LRFN2: variants seen among roughly 807,000 people sequenced by gnomAD.
The protein encoded by LRFN2 is leucine rich repeat and fibronectin type III domain containing 2.
LRFN2 carries 18 observed loss-of-function variants against 37.3 expected under a neutral mutation model. The observed-to-expected ratio is 0.48, with a 90% CI of 0.33 to 0.72. The LOEUF is 0.72. LRFN2 is among the 30% of genes least tolerant of loss of function. The probability of loss-of-function intolerance (pLI) is 0.02; values close to 1 mark genes in which losing one functional copy is unlikely to be tolerated. For synonymous variants in LRFN2, 556 were observed against 466.6 expected (o/e 1.19, Z -2.47); for missense variants, 1,006 against 1,060.7 (o/e 0.95, Z 0.72).
At chr6:40,566,991 T>C (rs1032440256) in intron 1 of LRFN2, among the ~76,000 whole-genome samples, 1 of 152,172 alleles carries the variant, frequency 6.6e-6, no homozygotes, top group African/African-American at 2.4e-5. Context: ...ATGTTGACAG[T>C]AGGAAGGGGA....
intron 1 of LRFN2, among the ~76,000 whole-genome samples, chr6:40,516,670 C>T (rs1051483913): frequency 4.6e-5 from 7 of 152,180 alleles, no homozygotes; most frequent in Admixed American, 6.5e-5. Context: ...GACCTCATTC[C>T]CGCCACAGCT....
Position 40,433,096 on chromosome 6 carries a change from A to C in LRFN2, c.18T>G (p.Gly6=). 1 of 1,525,102 alleles carries C rather than the reference A, an allele frequency of 6.6e-7. No homozygotes were observed. The highest frequency in any genetic ancestry group is 8.8e-7 in the Non-Finnish European group (1 of 1,137,930). The allele number at this position is 1,525,102 out of a possible 1,614,324, so 94.5% of individuals were successfully genotyped here. ...ACGCCATGCCAAACGCTAGCAGGCCACCAAGCAGGGTCTCCATGGTCTGGT... is the reference window on the plus strand; with the variant it reads ...ACGCCATGCCAAACGCTAGCAGGCCCCCAAGCAGGGTCTCCATGGTCTGGT... The part of the protein sequence containing the change: METLL[G]GLLAFGMAFA... Residue 6 remains glycine, a synonymous_variant, in exon 2 of 3, where the codon GGT becomes GGG. Transcript: ENST00000338305.
chr6:40,500,548 C>A lies in LRFN2; in HGVS notation c.-18-67417G>T, dbSNP rs78880613. 3.7e-3 allele frequency among the ~76,000 whole-genome samples: 569 copies of A among 152,256 alleles called. 10 individuals carry two copies. Among genetic ancestry groups the A allele is most frequent in the East Asian group, 0.027 (139 of 5,180 alleles). On this transcript the variant is annotated intron_variant, in intron 1 of 2. Transcript: ENST00000338305. ...GGAGAGGAGTGAAAGAAGCAGTGTA[C>A]AAGGAAATAATCATGGTTATACACA...
At chr6:40,476,364 T>A (rs1764709596) in intron 1 of LRFN2, among the ~76,000 whole-genome samples, 1 of 152,252 alleles carries the variant, frequency 6.6e-6, no homozygotes, top group South Asian at 2.1e-4. Context: ...ATTCTCTTTG[T>A]ATGAAACCGT....
intron 2 of LRFN2, among the ~76,000 whole-genome samples, chr6:40,418,422 C>T (rs1763144810): frequency 1.3e-5 from 2 of 152,202 alleles, no homozygotes; most frequent in South Asian, 2.1e-4. Context: ...ATATTCAAGG[C>T]CACCCATACT....
At chr6:40,578,930 T>A (rs1767342873) in intron 1 of LRFN2, among the ~76,000 whole-genome samples, 1 of 152,196 alleles carries the variant, frequency 6.6e-6, no homozygotes, top group African/African-American at 2.4e-5. Context: ...GTGAGAAAGA[T>A]GCTCCATCCA....
chr6:40,582,807 C>A (rs1244543756), intron 1 of LRFN2, among the ~76,000 whole-genome samples: 1 of 151,740 alleles, frequency 6.6e-6, no homozygotes, highest in African/African-American at 2.4e-5. Flanking sequence ...GTTGAACAAG[C>A]TGAGCGGCCC....
At chr6:40,429,536 C>T (rs997832195) in intron 2 of LRFN2, among the ~76,000 whole-genome samples, 12 of 149,638 alleles carry the variant, frequency 8.0e-5, no homozygotes, top group Non-Finnish European at 1.5e-4. Context: ...CATTTTTCAC[C>T]TCTCAAATTG....
intron 2 of LRFN2, among the ~76,000 whole-genome samples, chr6:40,402,078 G>A (rs1193042727): frequency 2.0e-5 from 3 of 152,112 alleles, no homozygotes; most frequent in Non-Finnish European, 4.4e-5. Context: ...CTCTTCCTGC[G>A]AGCCCCAAAG....
intron 1 of LRFN2, among the ~76,000 whole-genome samples, chr6:40,545,352 C>T (rs536046404): frequency 2.0e-5 from 3 of 152,278 alleles, no homozygotes; most frequent in Admixed American, 6.5e-5. Flanking sequence ...GGGCAAGGTC[C>T]TGGAGTTTTA....
At chr6:40,480,720 CT>C (rs1385583350) in intron 1 of LRFN2, among the ~76,000 whole-genome samples, 1 of 152,114 alleles carries the variant, frequency 6.6e-6, no homozygotes, top group Non-Finnish European at 1.5e-5. Context: ...CATGCCTCCC[CT>C]GGAAATAAGA....
chr6:40,425,293 C>T (rs146907432), intron 2 of LRFN2, among the ~76,000 whole-genome samples: 16 of 152,314 alleles, frequency 1.1e-4, no homozygotes, highest in African/African-American at 3.4e-4. Flanking sequence ...ACAAGCAACA[C>T]AAGGCATGGC....
At chr6:40,399,590 A>C (rs1762694936) in intron 2 of LRFN2, among the ~76,000 whole-genome samples, 1 of 151,030 alleles carries the variant, frequency 6.6e-6, no homozygotes. Context: ...GGTGCACGCC[A>C]CCAAGCCTGG....
chr6:40,458,845 T>C (rs893250139), intron 1 of LRFN2, among the ~76,000 whole-genome samples: 5 of 152,140 alleles, frequency 3.3e-5, no homozygotes, highest in Non-Finnish European at 5.9e-5. Flanking sequence ...GTTTGAACCA[T>C]AAGATAGAAG....
chr6:40,561,206 C>T (rs1413673705), intron 1 of LRFN2, among the ~76,000 whole-genome samples: 2 of 152,156 alleles, frequency 1.3e-5, no homozygotes, highest in South Asian at 2.1e-4. Flanking sequence ...CTGTGTAATC[C>T]TCAGGGACTG....
At chr6:40,543,276 A>G (rs1269580332) in intron 1 of LRFN2, among the ~76,000 whole-genome samples, 1 of 152,218 alleles carries the variant, frequency 6.6e-6, no homozygotes, top group Non-Finnish European at 1.5e-5. Context: ...CTGCTTACAC[A>G]AGCCACATAA....
intron 1 of LRFN2, among the ~76,000 whole-genome samples, chr6:40,486,774 G>A (rs546874271): frequency 2.0e-5 from 3 of 152,324 alleles, no homozygotes; most frequent in East Asian, 1.9e-4. Flanking sequence ...GGGTGTGTAC[G>A]AGTGGGCAGA....
chr6:40,483,563 C>G (rs957732922), intron 1 of LRFN2, among the ~76,000 whole-genome samples: 1 of 152,226 alleles, frequency 6.6e-6, no homozygotes, highest in Non-Finnish European at 1.5e-5. Flanking sequence ...GTGCCAGTCT[C>G]TATTTCAGGA....
Position 40,432,483 on chromosome 6 carries a change from T to C in LRFN2, c.631A>G (p.Lys211Glu), listed in dbSNP as rs1160513941. ...GCAAAGATGGGATCAGGGGGCAGCT[T>C]CTGCAGCCGATTGGAGGTGAGATCC... ...RLDLTSNRLQ[K>E]LPPDPIFARS... The change falls in exon 2 of 3, where the codon AAG becomes GAG. Residue 211 changes from lysine to glutamate, a missense_variant. This residue lies in a region of LRFN2 where 303 missense variants were observed against 299.8 expected (regional missense o/e 1.01). Coordinates refer to ENST00000338305, the MANE Select transcript of LRFN2 (RefSeq NM_020737.3). 6.2e-7 allele frequency: 1 copy of C among 1,614,092 alleles called. No individual in the cohort carries two copies. Among genetic ancestry groups the C allele is most frequent in the East Asian group, 2.2e-5 (1 of 44,882 alleles).
Sources: allele counts gnomAD v4.1 joint callset (sites outside exome capture counted in the v4.1 genomes callset), GRCh38; gene constraint gnomAD v4.1.1; regional missense constraint gnomAD v4.1.1; transcripts MANE v1.5; gene names NCBI Gene and HGNC (gene_info 2026-07-23, HGNC 2026-07-21).